Variants in ARHGEF3 observed in about 807,000 individuals in gnomAD.
The protein encoded by ARHGEF3 is 59.8 kDA protein.
A neutral mutation model predicts 63.2 loss-of-function variants in ARHGEF3; 28 were observed. That is an observed-to-expected ratio of 0.44 (90% CI 0.33 to 0.61). The LOEUF (loss-of-function observed/expected upper bound fraction) is 0.61, where lower values mean the gene tolerates loss of function less well. Among genes scored for constraint, ARHGEF3 ranks in the 20% least tolerant of loss-of-function variants. The pLI is 0.03. For synonymous variants in ARHGEF3, 266 were observed against 254.2 expected, an observed-to-expected ratio of 1.05 and a Z score of -0.44; for missense variants, 533 against 659.3, an observed-to-expected ratio of 0.81 and a Z score of 2.10.
chr3:56,784,287 C>T (rs2036692879), intron 1 of ARHGEF3, among the ~76,000 whole-genome samples: 1 of 152,234 alleles, frequency 6.6e-6, no homozygotes, highest in Admixed American at 6.5e-5. Flanking sequence ...TGTTTTCTCA[C>T]ATCAGGTTAT....
chr3:56,951,101 G>A (rs530043793), intron 3 of ARHGEF3, among the ~76,000 whole-genome samples: 3 of 151,960 alleles, frequency 2.0e-5, no homozygotes, highest in African/African-American at 7.3e-5. Flanking sequence ...GACACAGGAA[G>A]GGGAACATCA....
At position 57,021,768 on chromosome 3, in the gene ARHGEF3, T is replaced by A. The variant is rs541870743; in HGVS notation, c.62+13320A>T. On this transcript the variant is annotated intron_variant, in intron 2 of 12. Coordinates refer to the ARHGEF3 transcript ENST00000338458. ...CGCCATCTCAAAAAAAAAAAAAAAA[T>A]TTATTCAGGAAGCATTTACCAATCC... Among the ~76,000 whole-genome samples the A allele has an allele frequency of 8.8e-3, 1,311 of 149,086 alleles. 8 individuals are homozygous for A. Among genetic ancestry groups the A allele is most frequent in the Non-Finnish European group, 0.014 (956 of 67,156 alleles).
intron 2 of ARHGEF3, among the ~76,000 whole-genome samples, chr3:57,002,458 A>ATATATATAT (rs1702239873): frequency 6.8e-5 from 1 of 14,794 alleles, no homozygotes; most frequent in African/African-American, 2.0e-4. Flanking sequence ...CACTGTTCTA[A>ATATATATAT]GCACTATATA....
intron 1 of ARHGEF3, among the ~76,000 whole-genome samples, chr3:57,068,653 C>G (rs1314478134): frequency 1.3e-5 from 2 of 152,210 alleles, no homozygotes; most frequent in Admixed American, 1.3e-4. Context: ...CCTCCCCACC[C>G]CCTTGGGAGA....
intron 3 of ARHGEF3, among the ~76,000 whole-genome samples, chr3:56,892,584 T>C (rs74657794): frequency 0.033 from 4,974 of 149,888 alleles, 276 homozygotes; most frequent in African/African-American, 0.11. Context: ...CAACAAAAAA[T>C]ATTATCTATA....
intron 2 of ARHGEF3, among the ~76,000 whole-genome samples, chr3:56,992,861 A>T (rs374290240): frequency 1.4e-4 from 22 of 151,814 alleles, no homozygotes; most frequent in South Asian, 6.2e-4. Flanking sequence ...GGAGATGGAG[A>T]CTCACTCTGT....
In ARHGEF3 at chr3:56,727,909, GCTTT is replaced by G. The variant is rs2032836483; in HGVS notation, c.*1357_*1360del. On this transcript the variant is annotated 3_prime_UTR_variant, in exon 10 of 10. Coordinates refer to ENST00000296315, the MANE Select transcript of ARHGEF3 (RefSeq NM_019555.3). Reference sequence around the variant, plus strand: ...ATAAAATGACATCAATGCATTTACTGCTTTCTTTTCTGTAAACTTGAAAGACAGA... The same window carrying G: ...ATAAAATGACATCAATGCATTTACTGCTTTTCTGTAAACTTGAAAGACAGA... The G allele has an allele frequency of 1.3e-5, 2 of 152,508 alleles. No individual in the cohort carries two copies. The highest frequency in any genetic ancestry group is 2.4e-5 in the African/African-American group (1 of 41,398). The allele number at this position is 152,508 out of a possible 1,614,324, so 9.4% of individuals were successfully genotyped here. A position where few individuals can be genotyped will look rare whatever the true frequency, so the allele number is the denominator to read the frequency against.
At chr3:56,765,086 G>A (rs1263826961) in intron 2 of ARHGEF3, among the ~76,000 whole-genome samples, 4 of 152,000 alleles carry the variant, frequency 2.6e-5, no homozygotes, top group African/African-American at 7.2e-5. Context: ...TGGCTTCCAG[G>A]AACAATAAAC....
At chr3:57,075,375 C>G (rs898468990) in intron 1 of ARHGEF3, 1 of 167,090 alleles carries the variant, frequency 6.0e-6, no homozygotes, top group African/African-American at 2.4e-5. Context: ...CAGGGCAATG[C>G]CTCGCACAGA....
At chr3:56,765,563 A>C (rs1288105333) in intron 2 of ARHGEF3, among the ~76,000 whole-genome samples, 1 of 152,174 alleles carries the variant, frequency 6.6e-6, no homozygotes, top group Non-Finnish European at 1.5e-5. Context: ...GGAAATCAGC[A>C]CATATGCTTG....
chr3:56,969,058 AG>A (rs1196607241), intron 2 of ARHGEF3, among the ~76,000 whole-genome samples: 3 of 152,228 alleles, frequency 2.0e-5, no homozygotes, highest in African/African-American at 7.2e-5. Context: ...AAACGCTAAA[AG>A]GACAAAATAT....
chr3:56,765,253 CA>C (rs1488308959), intron 2 of ARHGEF3, among the ~76,000 whole-genome samples: 4 of 152,128 alleles, frequency 2.6e-5, no homozygotes, highest in Admixed American at 6.6e-5. Context: ...AGGCTTTTAG[CA>C]GCCTGAAGCC....
intron 2 of ARHGEF3, among the ~76,000 whole-genome samples, chr3:57,018,130 T>C (rs1425317139): frequency 1.3e-5 from 2 of 151,846 alleles, no homozygotes; most frequent in African/African-American, 2.4e-5. Context: ...AATAGAAAAA[T>C]TAGCTGGGCG....
intron 2 of ARHGEF3, among the ~76,000 whole-genome samples, chr3:56,973,222 TTAGCCAGGCTGG>T (rs1700994225): frequency 6.6e-6 from 1 of 152,136 alleles, no homozygotes; most frequent in Non-Finnish European, 1.5e-5. Context: ...TTTCACCGTG[TTAGCCAGGCTGG>T]TCTCGATCTC....
chr3:56,830,497 A>G (rs925916058), intron 4 of ARHGEF3, among the ~76,000 whole-genome samples: 1 of 152,140 alleles, frequency 6.6e-6, no homozygotes, highest in African/African-American at 2.4e-5. Flanking sequence ...CCCTGCTGCA[A>G]CCAGTGCCTA....
chr3:57,047,006 C>CA (rs1704481823), intron 1 of ARHGEF3, among the ~76,000 whole-genome samples: 1 of 152,134 alleles, frequency 6.6e-6, no homozygotes, highest in Admixed American at 6.5e-5. Flanking sequence ...ATCTATATTG[C>CA]AAAAACATTT....
In ARHGEF3 at chr3:56,911,146, G is replaced by A. The variant is rs374321362; in HGVS notation, c.130-28792C>T. Among the ~76,000 whole-genome samples the A allele has an allele frequency of 9.9e-4, 151 of 152,144 alleles. 5 individuals carry two copies. In the South Asian group the frequency reaches 0.025, roughly 25 times the overall value. On this transcript the variant is annotated intron_variant, in intron 3 of 12. Transcript: ENST00000338458. ...TCCTGACTCCTAGCCCAGTGCTCTC[G>A]TCCCTCCACAAGGAATATGGTGGAG...
intron 3 of ARHGEF3, among the ~76,000 whole-genome samples, chr3:56,954,887 T>C (rs974731808): frequency 6.6e-6 from 1 of 152,210 alleles, no homozygotes; most frequent in South Asian, 2.1e-4. Context: ...TGAGGACTAA[T>C]GGAGGTCTGC....
intron 4 of ARHGEF3, among the ~76,000 whole-genome samples, chr3:56,864,117 C>T (rs2040166570): frequency 6.6e-6 from 1 of 152,226 alleles, no homozygotes; most frequent in Non-Finnish European, 1.5e-5. Flanking sequence ...CCCTTGGTTT[C>T]ATAATCAACC....
Sources: gnomAD v4.1 joint callset for allele counts (sites outside exome capture counted in the v4.1 genomes callset) on GRCh38, gnomAD v4.1.1 for gene constraint, MANE v1.5 for transcripts, NCBI Gene and HGNC (gene_info 2026-07-23, HGNC 2026-07-21) for gene names.